The following XKR7 variants were observed in gnomAD, a reference collection of about 807,000 sequenced individuals.
XKR7 encodes the protein XK related 7, also known as XK-related protein 7.
A neutral mutation model predicts 42.2 loss-of-function variants in XKR7; 11 were observed. The observed-to-expected ratio is 0.26, with a 90% CI of 0.16 to 0.43. The LOEUF is 0.43. XKR7 is among the 20% of genes least tolerant of loss of function. The pLI, the probability that XKR7 is intolerant of heterozygous loss-of-function variation, is 1.00. For missense variants in XKR7, 710 were observed against 802.2 expected (o/e 0.89, Z 1.39); for synonymous variants, 346 against 366.4 (o/e 0.94, Z 0.64).
rs1200291205 is a variant in XKR7 at position 32,002,054 on chromosome 20, T to A, written c.*4597T>A. 6.6e-6 allele frequency: 1 copy of A among 152,238 alleles called. No individual in the cohort carries two copies. The highest frequency in any genetic ancestry group is 1.5e-5 in the Non-Finnish European group (1 of 68,140). 9.4% of individuals were successfully genotyped at this position (152,238 alleles called of 1,614,324 possible). On this transcript the variant is annotated 3_prime_UTR_variant, in exon 3 of 3. Coordinates refer to ENST00000562532, the MANE Select transcript of XKR7 (RefSeq NM_001011718.2). ...CTGGTTGGGGAGAGGATAGGACATT[T>A]CTGGGTCCTTGGCTGCTGCCGGTAG...
At position 31,969,137 on chromosome 20, in the gene XKR7, C is replaced by A. The variant is rs181672971; in HGVS notation, c.584+378C>A. Among the ~76,000 whole-genome samples, 4 of 152,276 alleles carry A rather than the reference C, an allele frequency of 2.6e-5. No individual in the cohort carries two copies. In the East Asian group the frequency reaches 5.8e-4, roughly 22 times the overall value. On this transcript the variant is annotated intron_variant, in intron 1 of 2. Transcript: ENST00000562532. ...TAACCCACTCCTCTCTGCCTGAGTG[C>A]CAAGCCTGGGCTCAGGAAAGATCTC...
chr20:31,976,690 A>T (rs1187961935), intron 1 of XKR7, among the ~76,000 whole-genome samples: 1 of 152,154 alleles, frequency 6.6e-6, no homozygotes, highest in East Asian at 1.9e-4. Flanking sequence ...AGGCCAGAAA[A>T]GTATTTTTAA....
chr20:31,971,394 C>T (rs2064465045), intron 1 of XKR7, among the ~76,000 whole-genome samples: 1 of 152,190 alleles, frequency 6.6e-6, no homozygotes, highest in Non-Finnish European at 1.5e-5. Flanking sequence ...GACTCTGGGT[C>T]TATTGCCAAA....
At position 32,000,440 on chromosome 20, in the gene XKR7, G is replaced by T. The variant is rs1041857568; in HGVS notation, c.*2983G>T. On this transcript the variant is annotated 3_prime_UTR_variant, in exon 3 of 3. Coordinates refer to ENST00000562532, the MANE Select transcript of XKR7 (RefSeq NM_001011718.2). ...TGCCAGGGTCCTTGCAGCCCAGAGG[G>T]TCCCTGAGGGTTCCTTAAGCCACCT... 1 of 152,416 alleles carries T rather than the reference G, an allele frequency of 6.6e-6. No individual in the cohort carries two copies. Among genetic ancestry groups the T allele is most frequent in the East Asian group, 1.9e-4 (1 of 5,178 alleles). The allele number at this position is 152,416 out of a possible 1,614,324, so 9.4% of individuals were successfully genotyped here.
At chr20:31,991,586 T>C (rs2064570942) in intron 1 of XKR7, among the ~76,000 whole-genome samples, 1 of 152,208 alleles carries the variant, frequency 6.6e-6, no homozygotes, top group African/African-American at 2.4e-5. Flanking sequence ...GATTCTGGGA[T>C]GGCATTCAGA....
chr20:31,973,761 TC>T (rs1458893874), intron 1 of XKR7, among the ~76,000 whole-genome samples: 2 of 151,882 alleles, frequency 1.3e-5, no homozygotes, highest in African/African-American at 4.8e-5. Context: ...AGGGGCGAGG[TC>T]ATGCAGGGCC....
chr20:31,968,381 C>T lies in XKR7; in HGVS notation c.206C>T (p.Ser69Phe), dbSNP rs2123694013. 2 of 1,612,916 alleles carry T rather than the reference C, an allele frequency of 1.2e-6. No individual in the cohort carries two copies. Among genetic ancestry groups the T allele is most frequent in the African/African-American group, 1.3e-5 (1 of 75,000 alleles). ...WVLCALLVFF[S>F]DGATDLWLAA... Reference sequence around the variant, plus strand: ...CTGTGCGCGCTGCTCGTGTTCTTCTCCGACGGTGCCACGGACCTGTGGCTG... The same window carrying T: ...CTGTGCGCGCTGCTCGTGTTCTTCTTCGACGGTGCCACGGACCTGTGGCTG... Residue 69 changes from serine (S) to phenylalanine (F), a missense_variant, in exon 1 of 3, where the codon TCC becomes TTC. Transcript: ENST00000562532. This position sits in a 1 kb window ranked among gnomAD's most constrained non-coding sequence, Gnocchi z 4.5.
intron 1 of XKR7, among the ~76,000 whole-genome samples, chr20:31,969,435 C>T (rs1007957061): frequency 3.3e-5 from 5 of 152,174 alleles, no homozygotes; most frequent in African/African-American, 1.2e-4. Flanking sequence ...CACTGGCTGC[C>T]CTTTAATCCC....
chr20:31,985,426 C>A (rs1417205796), intron 1 of XKR7, among the ~76,000 whole-genome samples: 1 of 151,332 alleles, frequency 6.6e-6, no homozygotes, highest in Non-Finnish European at 1.5e-5. Flanking sequence ...AGAGAGAGAC[C>A]CAGAGTCAGG....
chr20:31,988,208 C>T lies in XKR7; in HGVS notation c.585-6860C>T, dbSNP rs373496662. Among the ~76,000 whole-genome samples, 7 of 152,294 alleles carry T rather than the reference C, an allele frequency of 4.6e-5. No individual in the cohort carries two copies. In the South Asian group the frequency reaches 8.3e-4, roughly 18 times the overall value. ...CAGGAGAGAGATGGGGTGATGCAGA[C>T]GTTGCCAGAAGCTTCCTGGCTTCTC... On this transcript the variant is annotated intron_variant, in intron 1 of 2. Transcript: ENST00000562532.
intron 1 of XKR7, among the ~76,000 whole-genome samples, chr20:31,992,440 C>G (rs2064574190): frequency 6.6e-6 from 1 of 152,184 alleles, no homozygotes; most frequent in Non-Finnish European, 1.5e-5. Context: ...GCTGAGGTCC[C>G]TGTCCTGGGG....
intron 1 of XKR7, among the ~76,000 whole-genome samples, chr20:31,985,791 C>CAGAT (rs1372659785): frequency 6.9e-6 from 1 of 145,206 alleles, no homozygotes; most frequent in Non-Finnish European, 1.5e-5. Flanking sequence ...CACAGACAGA[C>CAGAT]AGACAGACAG....
In XKR7 at chr20:31,997,148, A is replaced by G; in HGVS notation, c.1431A>G (p.Pro477=). Reference sequence around the variant, plus strand: ...TCACGAGTCCCCCCAGGTCCCTGCCAAGGACTACAGGTGCTGAGCGGGATG... The same window carrying G: ...TCACGAGTCCCCCCAGGTCCCTGCCGAGGACTACAGGTGCTGAGCGGGATG... The part of the protein sequence containing the change: ...DAITSPPRSL[P]RTTGAERDGA... Residue 477 remains proline (P), a synonymous_variant, in exon 3 of 3, where the codon CCA becomes CCG. Transcript: ENST00000562532. 6.2e-7 allele frequency: 1 copy of G among 1,611,856 alleles called. No individual in the cohort carries two copies. Among genetic ancestry groups the G allele is most frequent in the Non-Finnish European group, 8.5e-7 (1 of 1,179,996 alleles).
chr20:31,997,246 C>T lies in XKR7; in HGVS notation c.1529C>T (p.Thr510Ile). Residue 510 changes from threonine to isoleucine, a missense_variant, in exon 3 of 3, where the codon ACA (threonine) becomes ATA (isoleucine). Physicochemically the swap from Thr to Ile is moderately conservative, Grantham distance 89. This residue lies in a region of XKR7 where 708 missense variants were observed against 786.2 expected (regional missense o/e 0.90). Coordinates refer to ENST00000562532, the MANE Select transcript of XKR7 (RefSeq NM_001011718.2). The part of the protein sequence containing the change: ...VFQVRPGLPP[T>I]PVARTLRTEG... ...CAGGTGCGGCCTGGCTTGCCTCCCA[C>T]ACCAGTGGCCCGCACCTTGCGGACA... 2 of 1,612,006 alleles carry T rather than the reference C, an allele frequency of 1.2e-6. No homozygotes were observed. The highest frequency in any genetic ancestry group is 8.5e-7 in the Non-Finnish European group (1 of 1,179,906).
At chr20:31,975,574 C>G (rs984778161) in intron 1 of XKR7, among the ~76,000 whole-genome samples, 1 of 152,160 alleles carries the variant, frequency 6.6e-6, no homozygotes, top group African/African-American at 2.4e-5. Flanking sequence ...ACTCACTCAA[C>G]CAGGCAAAAG....
intron 1 of XKR7, among the ~76,000 whole-genome samples, chr20:31,986,260 T>A (rs1466004852): frequency 6.0e-5 from 4 of 66,724 alleles, no homozygotes; most frequent in Non-Finnish European, 8.4e-5. Flanking sequence ...AGACCCAGCA[T>A]CCAAGACACA....
chr20:31,988,176 C>T (rs949674534), intron 1 of XKR7, among the ~76,000 whole-genome samples: 3 of 152,134 alleles, frequency 2.0e-5, no homozygotes, highest in Admixed American at 1.3e-4. Context: ...GACTCAGGAA[C>T]GAAGAACAGG....
intron 1 of XKR7, among the ~76,000 whole-genome samples, chr20:31,983,041 C>G (rs1184813334): frequency 6.6e-6 from 1 of 152,206 alleles, no homozygotes; most frequent in Non-Finnish European, 1.5e-5. Flanking sequence ...AGAGATGGAG[C>G]TAGGATCTGA....
At chr20:31,993,526 C>A (rs1020432528) in intron 1 of XKR7, among the ~76,000 whole-genome samples, 1 of 152,138 alleles carries the variant, frequency 6.6e-6, no homozygotes, top group Admixed American at 6.5e-5. Context: ...CCCTTCTATA[C>A]CCCCTATAGG....
Sources: allele counts gnomAD v4.1 joint callset (sites outside exome capture counted in the v4.1 genomes callset), GRCh38; gene constraint gnomAD v4.1.1; regional missense constraint gnomAD v4.1.1; non-coding constraint Gnocchi (gnomAD v3.1); transcripts MANE v1.5; gene names NCBI Gene and HGNC (gene_info 2026-07-23, HGNC 2026-07-21).